Variants in HTT-AS observed in about 807,000 individuals in gnomAD.
The protein encoded by HTT-AS is HTT antisense RNA.
At chr4:3,061,936 C>T (rs1473483025) in intron 2 of HTT-AS, among the ~76,000 whole-genome samples, 1 of 134,574 alleles carries the variant, frequency 7.4e-6, no homozygotes, top group African/African-American at 2.8e-5. Context: ...GAGCCGAGAT[C>T]ACACCACTGC....
chr4:3,052,487 G>A lies in HTT-AS; in HGVS notation n.1381-2789C>T, dbSNP rs1204351547. Among the ~76,000 whole-genome samples the A allele has an allele frequency of 2.0e-5, 3 of 152,182 alleles. No individual in the cohort carries two copies. The East Asian group carries it at 5.8e-4, about 29-fold the overall frequency. On this transcript the variant is annotated intron_variant and non_coding_transcript_variant, in intron 2 of 2. Transcript: ENST00000664062. The stretch of plus-strand genomic sequence containing the variant: ...TTTTACTCATGAAACCCCAGAAATT[G>A]GAAGTAGATAGATTCCTTTCAAAAT...
chr4:3,074,202 TA>T (rs1560534196), intron 1 of HTT-AS, among the ~76,000 whole-genome samples: 2 of 115,166 alleles, frequency 1.7e-5, no homozygotes. Flanking sequence ...CCGGCCTGCC[TA>T]ATGTCCCCGT....
chr4:3,053,861 G>T (rs1711757601), intron 2 of HTT-AS, among the ~76,000 whole-genome samples: 1 of 150,996 alleles, frequency 6.6e-6, no homozygotes, highest in Admixed American at 6.6e-5. Context: ...CGGGGTTCAA[G>T]CAATTCTCCT....
chr4:3,066,103 C>A (rs1474741477), intron 1 of HTT-AS, among the ~76,000 whole-genome samples: 1 of 152,194 alleles, frequency 6.6e-6, no homozygotes, highest in African/African-American at 2.4e-5. Flanking sequence ...AGAGAGAGGC[C>A]AAACACCAGG....
At chr4:3,052,385 A>G (rs1442085429) in intron 2 of HTT-AS, among the ~76,000 whole-genome samples, 1 of 152,184 alleles carries the variant, frequency 6.6e-6, no homozygotes, top group African/African-American at 2.4e-5. Flanking sequence ...TTAAAAGTAG[A>G]TATTCTGGCT....
At chr4:3,053,755 T>A (rs921904614) in intron 2 of HTT-AS, among the ~76,000 whole-genome samples, 40 of 150,208 alleles carry the variant, frequency 2.7e-4, no homozygotes, top group African/African-American at 9.4e-4. Context: ...GTTTGCTAAC[T>A]TCTTTTTTTT....
intron 2 of HTT-AS, among the ~76,000 whole-genome samples, chr4:3,059,391 TG>T (rs1303120693): frequency 6.6e-6 from 1 of 152,132 alleles, no homozygotes; most frequent in Non-Finnish European, 1.5e-5. Context: ...ATTTGTGAAT[TG>T]TTTTTTTTTT....
At chr4:3,060,979 C>G (rs1210004567) in intron 2 of HTT-AS, among the ~76,000 whole-genome samples, 1 of 152,216 alleles carries the variant, frequency 6.6e-6, no homozygotes, top group Non-Finnish European at 1.5e-5. Context: ...GGAAGACCCA[C>G]TGGGGCACCC....
intron 2 of HTT-AS, among the ~76,000 whole-genome samples, chr4:3,061,316 A>G (rs969909053): frequency 8.5e-5 from 13 of 152,324 alleles, no homozygotes; most frequent in Middle Eastern, 3.4e-3. Flanking sequence ...GAGAGCTTCT[A>G]GGTCACAGGT....
chr4:3,062,119 C>T (rs1307450369), intron 2 of HTT-AS, among the ~76,000 whole-genome samples: 1 of 151,434 alleles, frequency 6.6e-6, no homozygotes, highest in Non-Finnish European at 1.5e-5. Context: ...GATTTGGGGG[C>T]TCAAGGTATG....
intron 2 of HTT-AS, among the ~76,000 whole-genome samples, chr4:3,058,034 G>A (rs1271565894): frequency 6.6e-6 from 1 of 150,496 alleles, no homozygotes; most frequent in African/African-American, 2.5e-5. Context: ...GAACATATAG[G>A]GTAACTTCTA....
At chr4:3,064,687 C>A (rs1428802288) in intron 1 of HTT-AS, among the ~76,000 whole-genome samples, 2 of 152,124 alleles carry the variant, frequency 1.3e-5, no homozygotes, top group African/African-American at 2.4e-5. Flanking sequence ...CAAAAAAACA[C>A]CAGGCTCAAA....
chr4:3,062,529 G>A (rs1711949610), exon 2 of HTT-AS, among the ~76,000 whole-genome samples: 1 of 152,008 alleles, frequency 6.6e-6, no homozygotes, highest in African/African-American at 2.4e-5. Flanking sequence ...TGCGGCCTGT[G>A]CTTCACCGCC....
downstream of HTT-AS, among the ~76,000 whole-genome samples, chr4:3,046,161 G>A (rs1711582826): frequency 6.6e-6 from 1 of 152,182 alleles, no homozygotes; most frequent in African/African-American, 2.4e-5. Context: ...GAGTTTAATT[G>A]AGCAATGAAC....
At chr4:3,054,011 G>A (rs78991779) in intron 2 of HTT-AS, among the ~76,000 whole-genome samples, 2,392 of 151,858 alleles carry the variant, frequency 0.016, 31 homozygotes, top group African/African-American at 0.036. Flanking sequence ...CCCCGCCTCC[G>A]CCTCCCAAAG....
At chr4:3,065,039 T>C (rs900184815) in intron 1 of HTT-AS, among the ~76,000 whole-genome samples, 4 of 151,888 alleles carry the variant, frequency 2.6e-5, no homozygotes, top group Middle Eastern at 3.2e-3. Context: ...AAAGAAAAAA[T>C]AGATTATTTT....
chr4:3,056,541 A>C (rs1022289141), intron 2 of HTT-AS, among the ~76,000 whole-genome samples: 2 of 152,324 alleles, frequency 1.3e-5, no homozygotes, highest in Admixed American at 6.5e-5. Flanking sequence ...AAAGACTCAA[A>C]TACAGAAGTA....
intron 2 of HTT-AS, among the ~76,000 whole-genome samples, chr4:3,060,303 A>C (rs574408583): frequency 6.6e-6 from 1 of 152,204 alleles, no homozygotes; most frequent in East Asian, 1.9e-4. Context: ...CTGAATCATG[A>C]GTCTACTACA....
At chr4:3,052,130 G>A (rs1711714279) in intron 2 of HTT-AS, among the ~76,000 whole-genome samples, 1 of 152,162 alleles carries the variant, frequency 6.6e-6, no homozygotes, top group Admixed American at 6.5e-5. Flanking sequence ...GTTCAGTGGT[G>A]ATCTGGGTTT....
Sources: gnomAD v4.1 joint callset for allele counts (sites outside exome capture counted in the v4.1 genomes callset) on GRCh38, gnomAD v4.1.1 for gene constraint, MANE v1.5 for transcripts, NCBI Gene and HGNC (gene_info 2026-07-23, HGNC 2026-07-21) for gene names.